Variants in NSG2 observed in about 807,000 individuals in gnomAD.
The protein encoded by NSG2 is neuronal vesicle trafficking-associated protein 2.
In NSG2, 4 loss-of-function variants were observed where a neutral mutation model predicts 16.9. The ratio of observed to expected loss-of-function variants is 0.24; its 90% CI spans 0.12 to 0.54. The LOEUF (loss-of-function observed/expected upper bound fraction) is 0.54, where lower values mean the gene tolerates loss of function less well. Among genes scored for constraint, NSG2 ranks in the 20% least tolerant of loss-of-function variants. The pLI is 0.95. For missense variants in NSG2, 179 were observed against 221.1 expected (o/e 0.81, Z 1.21); for synonymous variants, 98 against 88.7 (o/e 1.11, Z -0.59).
At chr5:174,058,820 C>T (rs2113427470) in intron 2 of NSG2, among the ~76,000 whole-genome samples, 1 of 152,310 alleles carries the variant, frequency 6.6e-6, no homozygotes, top group Non-Finnish European at 1.5e-5. Flanking sequence ...GGGGTGAAGA[C>T]AAAATATTGT....
At position 174,054,471 on chromosome 5, in the gene NSG2, C is replaced by T. The variant is rs1223978957; in HGVS notation, c.129+7587C>T. On this transcript the variant is annotated intron_variant, in intron 2 of 4. Transcript: ENST00000303177. ...GTACATAGCTCCCTGCAGTCGCGAA[C>T]TCTTGGGCTCAAGCAATCCTCCTGC... Among the ~76,000 whole-genome samples, 10 of 152,294 alleles carry T rather than the reference C, an allele frequency of 6.6e-5. No homozygotes were observed. In the South Asian group the frequency reaches 1.7e-3, roughly 25 times the overall value.
intron 4 of NSG2, among the ~76,000 whole-genome samples, chr5:174,106,831 G>C (rs1021163557): frequency 6.6e-6 from 1 of 152,048 alleles, no homozygotes; most frequent in African/African-American, 2.4e-5. Flanking sequence ...CTGACCTCAT[G>C]ATCTGCCTGC....
At chr5:174,065,321 C>T (rs1760121728) in intron 3 of NSG2, among the ~76,000 whole-genome samples, 1 of 149,744 alleles carries the variant, frequency 6.7e-6, no homozygotes, top group African/African-American at 2.5e-5. Context: ...GAGCAAGACT[C>T]CGTCTCAAAA....
chr5:174,086,186 A>C (rs536739735), intron 3 of NSG2, among the ~76,000 whole-genome samples: 366 of 152,206 alleles, frequency 2.4e-3, no homozygotes, highest in Non-Finnish European at 4.0e-3. Context: ...TCCTGGCCTC[A>C]CCCTGGGCCT....
intron 3 of NSG2, among the ~76,000 whole-genome samples, chr5:174,065,606 T>C (rs1014479768): frequency 6.6e-6 from 1 of 152,192 alleles, no homozygotes. Flanking sequence ...ACTATTAGGC[T>C]ACTGCAGTCA....
Position 174,107,685 on chromosome 5 carries a change from A to G in NSG2, c.*180A>G, listed in dbSNP as rs995589744. On this transcript the variant is annotated 3_prime_UTR_variant, in exon 5 of 5. Coordinates refer to ENST00000303177, the MANE Select transcript of NSG2 (RefSeq NM_015980.5). The surrounding 1 kb of genome is among the most constrained non-coding windows in gnomAD (Gnocchi z 4.5). ...GTGTGCTGGAGTTGTCTGAACCGAT[A>G]TTTCTTTTTGTTCCTTGGTATTGTT... 5.5e-6 allele frequency: 4 copies of G among 726,370 alleles called. No homozygotes were observed. The highest frequency in any genetic ancestry group is 4.9e-6 in the Non-Finnish European group (2 of 407,546). 45.0% of individuals were successfully genotyped at this position (726,370 alleles called of 1,614,324 possible). A position where few individuals can be genotyped will look rare whatever the true frequency, so the allele number is the denominator to read the frequency against.
Position 174,103,825 on chromosome 5 carries a change from G to C in NSG2, c.214-403G>C, listed in dbSNP as rs1011341455. ...TAAAAAATACAAAAATTAGCCAGGT[G>C]TGGTGGTGGGTACCTGTAATCCCAG... On this transcript the variant is annotated intron_variant, in intron 3 of 4. Coordinates refer to ENST00000303177, the MANE Select transcript of NSG2 (RefSeq NM_015980.5). Among the ~76,000 whole-genome samples, 7 of 152,192 alleles carry C rather than the reference G, an allele frequency of 4.6e-5. No individual in the cohort carries two copies. The South Asian group carries it at 1.5e-3, about 32-fold the overall frequency.
chr5:174,103,413 G>A (rs1760930498), intron 3 of NSG2, among the ~76,000 whole-genome samples: 1 of 152,130 alleles, frequency 6.6e-6, no homozygotes, highest in South Asian at 2.1e-4. Flanking sequence ...AATGCAGGTG[G>A]AGCAGGTTTG....
chr5:174,079,263 CTTT>C, intron 3 of NSG2, among the ~76,000 whole-genome samples: 1 of 143,430 alleles, frequency 7.0e-6, no homozygotes, highest in African/African-American at 2.5e-5. Context: ...CTCTCTCTCT[CTTT>C]TTTTTTTTTT....
intron 3 of NSG2, among the ~76,000 whole-genome samples, chr5:174,100,735 T>C (rs1431071854): frequency 1.3e-5 from 2 of 152,220 alleles, no homozygotes; most frequent in Non-Finnish European, 2.9e-5. Flanking sequence ...ATTTCTTAAC[T>C]CAGGGGACGT....
chr5:174,104,799 T>G (rs947039990), intron 4 of NSG2, among the ~76,000 whole-genome samples: 1 of 152,312 alleles, frequency 6.6e-6, no homozygotes, highest in South Asian at 2.1e-4. Flanking sequence ...ACTCCTTCTC[T>G]GAAAGAACGG....
chr5:174,087,701 T>A (rs1760653248), intron 3 of NSG2, among the ~76,000 whole-genome samples: 2 of 151,538 alleles, frequency 1.3e-5, no homozygotes, highest in South Asian at 4.2e-4. Flanking sequence ...GGTGGGAGGA[T>A]CGCTTGTGCC....
intron 1 of NSG2, 118 bp from the exon 2 acceptor site, chr5:174,046,616 T>C (rs1759803807): frequency 1.3e-6 from 1 of 785,418 alleles, no homozygotes; most frequent in Non-Finnish European, 2.0e-6. Context: ...CAATGACTGA[T>C]CACTAGATTG....
intron 2 of NSG2, among the ~76,000 whole-genome samples, chr5:174,048,656 A>C (rs1759837997): frequency 6.6e-6 from 1 of 152,174 alleles, no homozygotes; most frequent in African/African-American, 2.4e-5. Context: ...TCTCTCCCCT[A>C]GCCTTCTACA....
intron 2 of NSG2, among the ~76,000 whole-genome samples, chr5:174,063,207 C>T (rs960702892): frequency 6.6e-6 from 1 of 152,204 alleles, no homozygotes; most frequent in East Asian, 1.9e-4. Flanking sequence ...ACAGATGAGA[C>T]CCTGAGGCTT....
intron 3 of NSG2, among the ~76,000 whole-genome samples, chr5:174,079,477 C>T (rs1490985813): frequency 1.3e-5 from 2 of 152,060 alleles, no homozygotes; most frequent in African/African-American, 2.4e-5. Flanking sequence ...AGGCTGGTCT[C>T]GAACTCCTGA....
At chr5:174,055,276 G>A (rs1759949455) in intron 2 of NSG2, among the ~76,000 whole-genome samples, 3 of 152,284 alleles carry the variant, frequency 2.0e-5, no homozygotes, top group Admixed American at 6.5e-5. Flanking sequence ...ACCTCATCTT[G>A]CCCCATGCTA....
intron 3 of NSG2, among the ~76,000 whole-genome samples, chr5:174,102,935 C>A (rs1289231965): frequency 7.0e-6 from 1 of 143,148 alleles, no homozygotes; most frequent in South Asian, 2.3e-4. Context: ...CCTGCCACCA[C>A]CCTGGCTTTT....
chr5:174,064,094 C>G (rs1277389348), intron 2 of NSG2, 138 bp from the exon 3 acceptor site: 4 of 556,256 alleles, frequency 7.2e-6, no homozygotes, highest in Non-Finnish European at 9.4e-6. Context: ...CTTGAATTTT[C>G]TCTTACGTGT....
Sources: allele counts gnomAD v4.1 joint callset (sites outside exome capture counted in the v4.1 genomes callset), GRCh38; gene constraint gnomAD v4.1.1; non-coding constraint Gnocchi (gnomAD v3.1); transcripts MANE v1.5; gene names NCBI Gene and HGNC (gene_info 2026-07-23, HGNC 2026-07-21).